The following PROM2 variants were observed in gnomAD, a reference collection of about 807,000 sequenced individuals.
The protein encoded by PROM2 is prominin 2.
Under a neutral mutation model 110.2 loss-of-function variants are expected in PROM2, and 90 were observed. That is an observed-to-expected ratio of 0.82 (90% CI 0.69 to 0.97). The LOEUF is 0.97. PROM2 is among the 50% of genes least tolerant of loss of function. The probability of loss-of-function intolerance (pLI) is 0.00; values close to 1 mark genes in which losing one functional copy is unlikely to be tolerated. For missense variants in PROM2, 1,009 were observed against 1,074.8 expected, an observed-to-expected ratio of 0.94 and a Z score of 0.86; for synonymous variants, 470 against 467.8, an observed-to-expected ratio of 1.00 and a Z score of -0.06.
In PROM2 at chr2:95,288,496, T is replaced by A; in HGVS notation, c.2348T>A (p.Phe783Tyr). 1 of 1,614,200 alleles carries A rather than the reference T, an allele frequency of 6.2e-7. No homozygotes were observed. The highest frequency in any genetic ancestry group is 1.1e-5 in the South Asian group (1 of 91,082). Residue 783 changes from phenylalanine to tyrosine, a missense_variant, in exon 22 of 24, where the codon TTC (phenylalanine) becomes TAC (tyrosine). Physicochemically the swap from Phe to Tyr is conservative, Grantham distance 22. Transcript: ENST00000317620. ...MMADPWNAFW[F>Y]CLAWCTFFLI... ...GCCTTGTTGCAGAATGCCTTCTGGT[T>A]CTGCCTGGCATGGTGCACCTTCTTC...
Position 95,276,844 on chromosome 2 carries a change from C to G in PROM2, c.683-128C>G. On this transcript the variant is annotated intron_variant, in intron 5 of 23. Coordinates refer to ENST00000317620, the MANE Select transcript of PROM2 (RefSeq NM_001165978.3). This position sits in a 1 kb window ranked among gnomAD's most constrained non-coding sequence, Gnocchi z 4.6. ...CTGCTGGAGGAAGAAGCCGTGTCCCCGCTCCTTCACTCCCCTCCACCCCCC... is the reference window on the plus strand; with the variant it reads ...CTGCTGGAGGAAGAAGCCGTGTCCCGGCTCCTTCACTCCCCTCCACCCCCC... The G allele has an allele frequency of 8.8e-7, 1 of 1,133,418 alleles. No individual in the cohort carries two copies. The highest frequency in any genetic ancestry group is 1.3e-6 in the Non-Finnish European group (1 of 782,096). The allele number at this position is 1,133,418 out of a possible 1,614,324, so 70.2% of individuals were successfully genotyped here.
chr2:95,279,974 G>T lies in PROM2; in HGVS notation c.1404G>T (p.Glu468Asp), dbSNP rs1270151004. 5 of 1,476,900 alleles carry T rather than the reference G, an allele frequency of 3.4e-6. No homozygotes were observed. The South Asian group carries it at 5.6e-5, about 16-fold the overall frequency. The allele number at this position is 1,476,900 out of a possible 1,614,324, so 91.5% of individuals were successfully genotyped here. Reference protein sequence around the residue: ...DDPSHPEAKGEAGARFLMAGV... With the variant: ...DDPSHPEAKGDAGARFLMAGV... ...CCAGCCACCCAGAAGCCAAGGGCGA[G>T]GCTGGAGCCCGCTTCCTCATGGCGT... Residue 468 changes from glutamate (E) to aspartate (D), a missense_variant, in exon 11 of 24, where the codon GAG becomes GAT. Glu to Asp is a conservative substitution (Grantham distance 45, BLOSUM62 2). Transcript: ENST00000317620.
Position 95,288,940 on chromosome 2 carries a change from A to G in PROM2, c.2449A>G (p.Ser817Gly). The G allele has an allele frequency of 6.2e-7, 1 of 1,614,096 alleles. No individual in the cohort carries two copies. The highest frequency in any genetic ancestry group is 8.5e-7 in the Non-Finnish European group (1 of 1,179,952). Residue 817 changes from serine (S) to glycine (G), a missense_variant, in exon 23 of 24, where the codon AGC (serine) becomes GGC (glycine). Ser to Gly is a moderately conservative substitution (Grantham distance 56). Transcript: ENST00000317620. ...CTGTCTTTGACACTGCAGCTCCACCAGCTCTGAGGAGACTCAGCTCTTCCA... is the reference window on the plus strand; with the variant it reads ...CTGTCTTTGACACTGCAGCTCCACCGGCTCTGAGGAGACTCAGCTCTTCCA... ...RPIRKRLSSTSSEETQLFHIP... is the reference protein window; with the variant it reads ...RPIRKRLSSTGSEETQLFHIP...
At chr2:95,288,103 C>G in intron 20 of PROM2, 108 bp from the exon 21 acceptor site, 1 of 1,077,906 alleles carries the variant, frequency 9.3e-7, no homozygotes, top group Non-Finnish European at 1.4e-6. Flanking sequence ...CCAATGGTGT[C>G]CCCAGGCCTT....
rs555618384 is a variant in PROM2, at chr2:95,287,548, G to A, written c.2244+84G>A. On this transcript the variant is annotated intron_variant, in intron 20 of 23. Transcript: ENST00000317620. Reference sequence around the variant, plus strand: ...CCTGCTCTGCCCCGCCCCCGCCCCCGGAGCCCCTTGGGGGTGACCCAGGCC... The same window carrying A: ...CCTGCTCTGCCCCGCCCCCGCCCCCAGAGCCCCTTGGGGGTGACCCAGGCC... The A allele has an allele frequency of 1.2e-4, 165 of 1,405,704 alleles. No homozygotes were observed. The East Asian group carries it at 3.1e-3, about 27-fold the overall frequency. The allele number at this position is 1,405,704 out of a possible 1,614,324, so 87.1% of individuals were successfully genotyped here.
At chr2:95,286,344 TG>T in intron 16 of PROM2, 134 bp from the exon 17 acceptor site, 1 of 691,948 alleles carries the variant, frequency 1.4e-6, no homozygotes, top group Non-Finnish European at 2.5e-6. Context: ...GATCAGGCCC[TG>T]GAGCTTAAGG....
At position 95,277,122 on chromosome 2, in the gene PROM2, C is replaced by A; in HGVS notation, c.772+61C>A. 4 of 1,405,432 alleles carry A rather than the reference C, an allele frequency of 2.8e-6. No homozygotes were observed. The South Asian group carries it at 5.4e-5, about 19-fold the overall frequency. The allele number at this position is 1,405,432 out of a possible 1,614,324, so 87.1% of individuals were successfully genotyped here. On this transcript the variant is annotated intron_variant, in intron 6 of 23. Transcript: ENST00000317620. Reference sequence around the variant, plus strand: ...CAGCGGGTGTCCTCCTGGGGCGATCCCACCTGCACCTAGCCCTGGATTTCC... The same window carrying A: ...CAGCGGGTGTCCTCCTGGGGCGATCACACCTGCACCTAGCCCTGGATTTCC...
rs2104571669 is a variant in PROM2 at position 95,276,329 on chromosome 2, G to A, written c.600G>A (p.Leu200=). ...AGACCCTGCTCAGCCTCTGGGGCCT[G>A]GTCTCTGATGTCCCCCAAGTGAGCA... ...MPETLLSLWG[L]VSDVPQELQA... The change falls in exon 4 of 24, where the codon CTG becomes CTA. Residue 200 remains leucine, a synonymous_variant. Transcript: ENST00000317620. The surrounding 1 kb of genome is among the most constrained non-coding windows in gnomAD (Gnocchi z 4.6). 2 of 1,613,670 alleles carry A rather than the reference G, an allele frequency of 1.2e-6. No individual in the cohort carries two copies. Among genetic ancestry groups the A allele is most frequent in the East Asian group, 4.5e-5 (2 of 44,886 alleles).
chr2:95,284,854 G>A, intron 14 of PROM2, 115 bp from the exon 15 acceptor site: 1 of 1,195,186 alleles, frequency 8.4e-7, no homozygotes, highest in Non-Finnish European at 1.1e-6. Flanking sequence ...CATGAAATTT[G>A]GAGGGGACAA....
chr2:95,284,511 A>G (rs1037836285), intron 14 of PROM2, among the ~76,000 whole-genome samples: 1 of 152,158 alleles, frequency 6.6e-6, no homozygotes, highest in African/African-American at 2.4e-5. Flanking sequence ...CAAAAAAAAA[A>G]AAGCAATACC....
chr2:95,274,825 T>C lies in PROM2; in HGVS notation c.240T>C (p.Pro80=). 1 of 1,561,460 alleles carries C rather than the reference T, an allele frequency of 6.4e-7. No homozygotes were observed. The highest frequency in any genetic ancestry group is 8.7e-7 in the Non-Finnish European group (1 of 1,152,338). The change falls in exon 1 of 24, where the codon CCT becomes CCC. Residue 80 remains proline (P), a synonymous_variant. Transcript: ENST00000317620. ...FLSVVQLNPF[P]SELVKALLNE... ...CGGTGGTGCAGCTCAATCCTTTCCC[T>C]TCAGGTGAGTGTGCCCCTCCCCCAT...
chr2:95,285,674 G>C lies in PROM2; in HGVS notation c.1911G>C (p.Gln637His), dbSNP rs1453424937. 3.1e-6 allele frequency: 5 copies of C among 1,604,658 alleles called. No homozygotes were observed. Among genetic ancestry groups the C allele is most frequent in the Non-Finnish European group, 4.3e-6 (5 of 1,175,464 alleles). ...QRPVVKTSMEQLAQELQGLAQ... is the reference protein window; with the variant it reads ...QRPVVKTSMEHLAQELQGLAQ... ...CCGTGGTGAAGACCAGCATGGAGCA[G>C]CTGGCCCAGGAGCTGCAAGGACTGG... Residue 637 changes from glutamine to histidine, a missense_variant, in exon 16 of 24, where the codon CAG becomes CAC. Gln to His is a conservative substitution (Grantham distance 24). Transcript: ENST00000317620.
chr2:95,279,224 C>T lies in PROM2; in HGVS notation c.1274+80C>T, dbSNP rs994880440. On this transcript the variant is annotated intron_variant, in intron 10 of 23. Transcript: ENST00000317620. ...TATGCCACCCTGACACCCTGAGCCC[C>T]ATTCCCAGCCTCTATCAGCCCCTGA... 5 of 1,135,636 alleles carry T rather than the reference C, an allele frequency of 4.4e-6. No homozygotes were observed. In the African/African-American group the frequency reaches 6.3e-5, roughly 14 times the overall value. 70.3% of individuals were successfully genotyped at this position (1,135,636 alleles called of 1,614,324 possible). A position where few individuals can be genotyped will look rare whatever the true frequency, so the allele number is the denominator to read the frequency against.
rs1677024530 is a variant in PROM2 at position 95,281,289 on chromosome 2, T to C, written c.1475T>C (p.Val492Ala). The C allele has an allele frequency of 6.2e-7, 1 of 1,613,318 alleles. No homozygotes were observed. Among genetic ancestry groups the C allele is most frequent in the Non-Finnish European group, 8.5e-7 (1 of 1,179,914 alleles). The change falls in exon 12 of 24, where the codon GTG becomes GCG. Residue 492 changes from valine (V) to alanine (A), a missense_variant. Transcript: ENST00000317620. ...FLFAAPLILL[V>A]FATFLVGGNV... ...TTTGCTGCACCCCTCATCCTCCTGG[T>C]GTTCGCCACCTTCCTGGTGGGTGGC...
chr2:95,277,556 A>C lies in PROM2; in HGVS notation c.965A>C (p.Asp322Ala). Residue 322 changes from aspartate to alanine, a missense_variant, in exon 7 of 24, where the codon GAC (aspartate) becomes GCC (alanine). By Grantham distance (126) the Asp-to-Ala change is moderately radical. Coordinates refer to ENST00000317620, the MANE Select transcript of PROM2 (RefSeq NM_001165978.3). Reference protein sequence around the residue: ...SWARTLELGADFSQVPSVDHV... With the variant: ...SWARTLELGAAFSQVPSVDHV... ...GCCCGCACCCTGGAGCTGGGTGCTG[A>C]CTTCAGCCAGGTGCAGACCCAGGAC... 6.3e-7 allele frequency: 1 copy of C among 1,576,608 alleles called. No individual in the cohort carries two copies. The highest frequency in any genetic ancestry group is 8.6e-7 in the Non-Finnish European group (1 of 1,162,322).
chr2:95,287,197 C>A lies in PROM2; in HGVS notation c.2159C>A (p.Ala720Asp). 6.2e-7 allele frequency: 1 copy of A among 1,613,844 alleles called. No homozygotes were observed. Among genetic ancestry groups the A allele is most frequent in the Non-Finnish European group, 8.5e-7 (1 of 1,179,944 alleles). The stretch of plus-strand genomic sequence containing the variant: ...AAAGGAGAGCTGCCTGCCTGGGCAG[C>A]CAGGATCCTGAGGAATGTGAGTGGT... ...YLKGELPAWA[A>D]RILRNVSECF... The change falls in exon 19 of 24, where the codon GCC (alanine) becomes GAC (aspartate). Residue 720 changes from alanine (A) to aspartate (D), a missense_variant. By Grantham distance (126) the Ala-to-Asp change is moderately radical (BLOSUM62 -2). Coordinates refer to ENST00000317620, the MANE Select transcript of PROM2 (RefSeq NM_001165978.3).
In PROM2 at chr2:95,290,700, T is replaced by C. The variant is rs2104166059; in HGVS notation, c.*1487T>C. Reference sequence around the variant, plus strand: ...CTGCCTATTATTATTGTCGTTGTTGTTGTTTGCCATGACTGCTCTGGGCCG... The same window carrying C: ...CTGCCTATTATTATTGTCGTTGTTGCTGTTTGCCATGACTGCTCTGGGCCG... On this transcript the variant is annotated 3_prime_UTR_variant, in exon 24 of 24. Transcript: ENST00000317620. The C allele has an allele frequency of 6.6e-6, 1 of 152,368 alleles. No homozygotes were observed. Among genetic ancestry groups the C allele is most frequent in the African/African-American group, 2.4e-5 (1 of 41,580 alleles). The allele number at this position is 152,368 out of a possible 1,614,324, so 9.4% of individuals were successfully genotyped here. A position where few individuals can be genotyped will look rare whatever the true frequency, so the allele number is the denominator to read the frequency against.
At chr2:95,277,828 G>C in intron 7 of PROM2, 102 bp from the exon 8 acceptor site, 1 of 1,001,194 alleles carries the variant, frequency 1.0e-6, no homozygotes, top group Admixed American at 2.0e-5. Flanking sequence ...TTACACTTGA[G>C]GACATTGGGG....
At chr2:95,281,795 C>T in intron 12 of PROM2, 130 bp from the exon 13 acceptor site, 1 of 699,418 alleles carries the variant, frequency 1.4e-6, no homozygotes, top group South Asian at 1.7e-5. Flanking sequence ...CAGGTGTGAG[C>T]TGGGGTGAGG....
Sources: gnomAD v4.1 joint callset for allele counts (sites outside exome capture counted in the v4.1 genomes callset) on GRCh38, gnomAD v4.1.1 for gene constraint, Gnocchi (gnomAD v3.1) non-coding constraint, MANE v1.5 for transcripts, NCBI Gene and HGNC (gene_info 2026-07-23, HGNC 2026-07-21) for gene names.